Variants in UIMC1 observed in about 807,000 individuals in gnomAD.
The protein encoded by UIMC1 is ubiquitin interaction motif containing 1.
In UIMC1, 42 loss-of-function variants were observed where a neutral mutation model predicts 84.9. The ratio of observed to expected loss-of-function variants is 0.49; its 90% confidence interval spans 0.39 to 0.64. UIMC1 has a LOEUF of 0.64. UIMC1 is among the 30% of genes least tolerant of loss of function. The pLI is 0.00. For missense variants in UIMC1, 825 were observed against 847.6 expected (o/e 0.97, Z 0.33); for synonymous variants, 281 against 293.0 (o/e 0.96, Z 0.42).
At chr5:176,988,684 T>A (rs1381745124) in intron 1 of UIMC1, among the ~76,000 whole-genome samples, 1 of 149,780 alleles carries the variant, frequency 6.7e-6, no homozygotes, top group Non-Finnish European at 1.5e-5. Context: ...GGTGAATTTT[T>A]TTTTTTTTTT....
At chr5:176,929,081 G>A (rs1762758617) in intron 10 of UIMC1, among the ~76,000 whole-genome samples, 1 of 151,250 alleles carries the variant, frequency 6.6e-6, no homozygotes, top group Non-Finnish European at 1.5e-5. Flanking sequence ...GTGAAACCCT[G>A]TCTCTACTAA....
chr5:176,946,865 T>C (rs1765185997), intron 9 of UIMC1, among the ~76,000 whole-genome samples: 1 of 152,166 alleles, frequency 6.6e-6, no homozygotes, highest in African/African-American at 2.4e-5. Context: ...CAAAGCCATT[T>C]GAGCAGAAGG....
At chr5:177,022,312 T>A (rs887446507) in intron 1 of UIMC1, among the ~76,000 whole-genome samples, 2 of 152,176 alleles carry the variant, frequency 1.3e-5, no homozygotes, top group African/African-American at 4.8e-5. Context: ...AGCAGTAATA[T>A]GGAACCTTAG....
chr5:176,954,594 T>G (rs1302763574), intron 8 of UIMC1, among the ~76,000 whole-genome samples: 1 of 151,368 alleles, frequency 6.6e-6, no homozygotes, highest in African/African-American at 2.4e-5. Context: ...ATAATAATAA[T>G]TTTTAAAATT....
chr5:176,966,172 C>T (rs1768266313), intron 6 of UIMC1, among the ~76,000 whole-genome samples: 1 of 152,186 alleles, frequency 6.6e-6, no homozygotes, highest in African/African-American at 2.4e-5. Context: ...CTAGAGGCAT[C>T]TCCCCAGTGA....
Position 176,905,165 on chromosome 5 carries a change from G to T in UIMC1, c.*117C>A, listed in dbSNP as rs1461197730. 2 of 992,146 alleles carry T rather than the reference G, an allele frequency of 2.0e-6. No homozygotes were observed. The highest frequency in any genetic ancestry group is 1.6e-5 in the African/African-American group (1 of 61,192). 61.5% of individuals were successfully genotyped at this position (992,146 alleles called of 1,614,324 possible). ...AAACCAGAATGCTGGGTAGGTGCTG[G>T]TGGTGAAAACTGCAGGGCTAAAACT... On this transcript the variant is annotated 3_prime_UTR_variant, in exon 15 of 15. Coordinates refer to ENST00000511320, the MANE Select transcript of UIMC1 (RefSeq NM_001199298.2).
At chr5:177,022,500 G>A (rs1775913229) in exon 1 of UIMC1, 1 of 493,268 alleles carries the variant, frequency 2.0e-6, no homozygotes, top group Non-Finnish European at 3.6e-6. Context: ...AAAACCACAC[G>A]AGCCTCTCCG....
intron 3 of UIMC1, among the ~76,000 whole-genome samples, chr5:176,971,876 T>C (rs186774569): frequency 1.3e-5 from 2 of 152,050 alleles, no homozygotes; most frequent in African/African-American, 4.8e-5. Context: ...GCCATTGCAC[T>C]CCACCCTAGG....
Position 176,969,088 on chromosome 5 carries a change from G to A in UIMC1, c.667C>T (p.His223Tyr), listed in dbSNP as rs777614084. The A allele has an allele frequency of 2.5e-6, 4 of 1,614,048 alleles. No homozygotes were observed. Among genetic ancestry groups the A allele is most frequent in the East Asian group, 4.5e-5 (2 of 44,890 alleles). The change falls in exon 6 of 15, where the codon CAC becomes TAC. Residue 223 changes from histidine to tyrosine, a missense_variant. Physicochemically the swap from His to Tyr is moderately conservative, Grantham distance 83. Transcript: ENST00000511320. ...CCACACTGTGTGTGCTCAGCCGAGT[G>A]GCCAGTACATCTGTCAAAAGATTTA... ...NVKSFDRCTG[H>Y]SAEHTQCGKP...
chr5:176,997,295 A>G lies in UIMC1; in HGVS notation c.-9+9355T>C, dbSNP rs188986635. On this transcript the variant is annotated intron_variant, in intron 1 of 14. Coordinates refer to ENST00000511320, the MANE Select transcript of UIMC1 (RefSeq NM_001199298.2). ...TCGTGTAGACAATTTTAACAGACTC[A>G]TAACTGGGTTCCTTACTTTTACCAC... Among the ~76,000 whole-genome samples the G allele has an allele frequency of 2.0e-5, 3 of 152,230 alleles. No homozygotes were observed. In the East Asian group the frequency reaches 5.8e-4, roughly 29 times the overall value.
chr5:177,006,434 C>T (rs1775279728), intron 1 of UIMC1: 1 of 152,248 alleles, frequency 6.6e-6, no homozygotes, highest in African/African-American at 2.4e-5. Flanking sequence ...GGGACCCACC[C>T]CCGACTTCGG....
At chr5:176,923,204 G>C (rs2149408781) in intron 10 of UIMC1, among the ~76,000 whole-genome samples, 1 of 152,350 alleles carries the variant, frequency 6.6e-6, no homozygotes, top group East Asian at 1.9e-4. Flanking sequence ...TAGTACCTGA[G>C]AGAACAAGAG....
chr5:176,989,417 T>C (rs570512445), intron 1 of UIMC1, among the ~76,000 whole-genome samples: 1 of 152,206 alleles, frequency 6.6e-6, no homozygotes, highest in South Asian at 2.1e-4. Context: ...CCCAGCACTT[T>C]GGGAGACCAA....
intron 1 of UIMC1, among the ~76,000 whole-genome samples, chr5:177,004,946 A>T (rs1775050404): frequency 6.6e-6 from 1 of 152,186 alleles, no homozygotes; most frequent in African/African-American, 2.4e-5. Context: ...TCTGTCACCC[A>T]GGCTGGAGTG....
At chr5:177,002,603 C>T (rs1287698765) in intron 1 of UIMC1, among the ~76,000 whole-genome samples, 1 of 152,102 alleles carries the variant, frequency 6.6e-6, no homozygotes, top group African/African-American at 2.4e-5. Flanking sequence ...AAATCGAGAC[C>T]ATCCTGGCTA....
intron 1 of UIMC1, among the ~76,000 whole-genome samples, chr5:176,983,469 G>A (rs564544505): frequency 1.2e-4 from 18 of 151,816 alleles, no homozygotes; most frequent in African/African-American, 3.9e-4. Flanking sequence ...TCCTGGCCTC[G>A]GGTGATCTGC....
Position 176,905,436 on chromosome 5 carries a change from A to G in UIMC1, c.2006T>C (p.Phe669Ser). ...AGCSREMQSS[F>S]TRRDLNESPV... is the part of the protein sequence containing the mutation. ...AGATTCATTTAAGTCACGACGTGTG[A>G]AAGAACTCTGCATCTCTCTGCTGCA... is the stretch of plus-strand genomic sequence containing the variant. The change falls in exon 15 of 15, where the codon TTC becomes TCC. Residue 669 changes from phenylalanine (F) to serine (S), a missense_variant. Phe to Ser is a radical substitution (Grantham distance 155). Coordinates refer to ENST00000511320, the MANE Select transcript of UIMC1 (RefSeq NM_001199298.2). The G allele has an allele frequency of 6.2e-7, 1 of 1,614,170 alleles. No individual in the cohort carries two copies.
intron 1 of UIMC1, among the ~76,000 whole-genome samples, chr5:176,997,517 T>C (rs1473929443): frequency 6.6e-6 from 1 of 151,994 alleles, no homozygotes. Context: ...ACCCCGTTTC[T>C]ACTAAAATTA....
At chr5:177,000,708 C>T (rs925147943) in intron 1 of UIMC1, among the ~76,000 whole-genome samples, 1 of 151,752 alleles carries the variant, frequency 6.6e-6, no homozygotes, top group African/African-American at 2.4e-5. Flanking sequence ...CTATGTTGGT[C>T]AGGCTGGTCT....
Sources: gnomAD v4.1 joint callset for allele counts (sites outside exome capture counted in the v4.1 genomes callset) on GRCh38, gnomAD v4.1.1 for gene constraint, MANE v1.5 for transcripts, NCBI Gene and HGNC (gene_info 2026-07-23, HGNC 2026-07-21) for gene names.